FOXJ2: variants seen among roughly 807,000 people sequenced by gnomAD.
FOXJ2 encodes forkhead box protein J2.
FOXJ2 carries 18 observed loss-of-function variants against 68.4 expected under a neutral mutation model. That is an observed-to-expected ratio of 0.26 (90% confidence interval 0.18 to 0.39). FOXJ2 has a LOEUF of 0.39. Among genes scored for constraint, FOXJ2 ranks in the 10% least tolerant of loss-of-function variants. The pLI, the probability that FOXJ2 is intolerant of heterozygous loss-of-function variation, is 1.00. For missense variants in FOXJ2, 670 were observed against 726.5 expected, an observed-to-expected ratio of 0.92 and a Z score of 0.89; for synonymous variants, 274 against 263.2, an observed-to-expected ratio of 1.04 and a Z score of -0.40.
Position 8,043,716 on chromosome 12 carries a change from AT to A in FOXJ2, c.426del (p.Ile142MetfsTer60). 1.2e-6 allele frequency: 2 copies of A among 1,614,142 alleles called. No homozygotes were observed. The highest frequency in any genetic ancestry group is 1.7e-6 in the Non-Finnish European group (2 of 1,180,036). Reference protein sequence around the residue: ...DDPGKGSYWTIDTCPDISRKR... With the variant: ...DDPGKGSYWTXDTCPDISRKR... ...CTCCTTCCAGGGTTCCTATTGGACA[AT>A]TGACACCTGCCCTGACATTTCCCGA... On this transcript the variant is annotated frameshift_variant, in exon 4 of 11. Transcript: ENST00000162391. LOFTEE classifies it high-confidence loss of function.
rs1195426794 is a variant in FOXJ2 at position 8,050,931 on chromosome 12, C to T, written c.1636+311C>T. On this transcript the variant is annotated intron_variant, in intron 10 of 10. Transcript: ENST00000162391. ...CCTTCCCTTTCCTTCCCCTTCCCTT[C>T]CCCTTCCCCTTCCCTTCCCCTTCCT... Among the ~76,000 whole-genome samples the T allele has an allele frequency of 1.6e-4, 11 of 68,728 alleles. No homozygotes were observed. In the East Asian group the frequency reaches 4.4e-3, roughly 28 times the overall value. The allele number at this position is 68,728 out of a possible 152,430, so 45.1% of individuals were successfully genotyped here.
chr12:8,045,893 A>T (rs1947030319), intron 6 of FOXJ2, among the ~76,000 whole-genome samples: 1 of 152,030 alleles, frequency 6.6e-6, no homozygotes, highest in South Asian at 2.1e-4. Flanking sequence ...TCCTGACCTC[A>T]GGTGATCCAC....
intron 3 of FOXJ2, among the ~76,000 whole-genome samples, chr12:8,042,997 A>G (rs1426926123): frequency 1.3e-5 from 2 of 151,860 alleles, no homozygotes; most frequent in African/African-American, 4.8e-5. Flanking sequence ...GGGCGGATCA[A>G]CTGAGGTCAG....
intron 1 of FOXJ2, among the ~76,000 whole-genome samples, chr12:8,036,725 T>A (rs1035426974): frequency 6.6e-6 from 1 of 152,216 alleles, no homozygotes; most frequent in African/African-American, 2.4e-5. Context: ...TTCACTTCCC[T>A]CCAGGGACGA....
Position 8,038,678 on chromosome 12 carries a change from A to AT in FOXJ2, c.-14-1140dup, listed in dbSNP as rs921593118. On this transcript the variant is annotated intron_variant, in intron 1 of 10. Coordinates refer to ENST00000162391, the MANE Select transcript of FOXJ2 (RefSeq NM_018416.3). The surrounding 1 kb of genome is among the most constrained non-coding windows in gnomAD (Gnocchi z 5.3). ...AGCCTTTCTAGACCCTGCAATACAGATATCACCCATCGTTCTTCACCTTCC... is the reference window on the plus strand; with the variant it reads ...AGCCTTTCTAGACCCTGCAATACAGATTATCACCCATCGTTCTTCACCTTCC... Among the ~76,000 whole-genome samples the AT allele has an allele frequency of 5.3e-5, 8 of 152,162 alleles. No individual in the cohort carries two copies. The highest frequency in any genetic ancestry group is 2.6e-4 in the Admixed American group (4 of 15,282).
rs1173391590 is a variant in FOXJ2, at chr12:8,054,644, G to T, written c.*1794G>T. On this transcript the variant is annotated 3_prime_UTR_variant, in exon 11 of 11. Coordinates refer to ENST00000162391, the MANE Select transcript of FOXJ2 (RefSeq NM_018416.3). ...GAAGCCTTTCTAAGAAAGAAATGGG[G>T]GTGCGAGTGGCTTGAATCTCCCATG... 1 of 152,610 alleles carries T rather than the reference G, an allele frequency of 6.6e-6. No homozygotes were observed. The highest frequency in any genetic ancestry group is 1.5e-5 in the Non-Finnish European group (1 of 68,030). 9.5% of individuals were successfully genotyped at this position (152,610 alleles called of 1,614,324 possible).
chr12:8,040,739 G>T lies in FOXJ2; in HGVS notation c.333+574G>T, dbSNP rs573068537. Among the ~76,000 whole-genome samples, 135 of 152,056 alleles carry T rather than the reference G, an allele frequency of 8.9e-4. No individual in the cohort carries two copies. The highest frequency in any genetic ancestry group is 1.3e-3 in the African/African-American group (55 of 41,478). ...CCCGGCCCACATCCTCTTGTCTTCT[G>T]ATCCCTCAAAGAGGATATTCACTCA... On this transcript the variant is annotated intron_variant, in intron 2 of 10. Coordinates refer to ENST00000162391, the MANE Select transcript of FOXJ2 (RefSeq NM_018416.3). This position sits in a 1 kb window ranked among gnomAD's most constrained non-coding sequence, Gnocchi z 4.0.
chr12:8,053,968 A>T lies in FOXJ2; in HGVS notation c.*1118A>T, dbSNP rs1947156813. ...TGCCCTGAGACATGATGGGAATCTC[A>T]TTCCCACCTCTCATAGCAGAGCCAA... On this transcript the variant is annotated 3_prime_UTR_variant, in exon 11 of 11. Transcript: ENST00000162391. The surrounding 1 kb of genome is among the most constrained non-coding windows in gnomAD (Gnocchi z 4.1). 1.3e-5 allele frequency: 2 copies of T among 152,228 alleles called. No individual in the cohort carries two copies. Among genetic ancestry groups the T allele is most frequent in the South Asian group, 4.1e-4 (2 of 4,836 alleles). 9.4% of individuals were successfully genotyped at this position (152,228 alleles called of 1,614,324 possible).
At chr12:8,034,853 A>G (rs1484362486) in intron 1 of FOXJ2, among the ~76,000 whole-genome samples, 3 of 152,236 alleles carry the variant, frequency 2.0e-5, no homozygotes, top group Non-Finnish European at 4.4e-5. Flanking sequence ...ATCTTCAGAA[A>G]AGGCAGGAAA....
intron 10 of FOXJ2, among the ~76,000 whole-genome samples, chr12:8,052,254 G>A (rs1018724528): frequency 1.4e-5 from 2 of 148,102 alleles, no homozygotes; most frequent in African/African-American, 2.5e-5. Flanking sequence ...ACGGAGTCTC[G>A]CTCTATCGCC....
intron 10 of FOXJ2, 142 bp downstream of exon 10, chr12:8,050,762 G>A (rs1947105815): frequency 1.0e-6 from 1 of 961,330 alleles, no homozygotes; most frequent in African/African-American, 1.6e-5. Flanking sequence ...AAGGCTGGAG[G>A]ATGGGTTACC....
rs944352705 is a variant in FOXJ2, at chr12:8,038,286, A to C, written c.-14-1533A>C. Among the ~76,000 whole-genome samples the C allele has an allele frequency of 1.3e-5, 2 of 152,162 alleles. No individual in the cohort carries two copies. Among genetic ancestry groups the C allele is most frequent in the Admixed American group, 6.5e-5 (1 of 15,278 alleles). ...AAGGGCAGAAGAATCACTACCTAGG[A>C]TAGAAGAGGGAGCTGAGACCCTGAA... On this transcript the variant is annotated intron_variant, in intron 1 of 10. Transcript: ENST00000162391. The surrounding 1 kb of genome is among the most constrained non-coding windows in gnomAD (Gnocchi z 5.3).
intron 10 of FOXJ2, 102 bp downstream of exon 10, chr12:8,050,722 C>G: frequency 7.6e-7 from 1 of 1,310,732 alleles, no homozygotes; most frequent in Non-Finnish European, 1.1e-6. Flanking sequence ...GCCTGCATCT[C>G]GCTGGAGGGA....
At chr12:8,043,077 C>T (rs1946986267) in intron 3 of FOXJ2, among the ~76,000 whole-genome samples, 2 of 151,816 alleles carry the variant, frequency 1.3e-5, no homozygotes, top group African/African-American at 4.8e-5. Flanking sequence ...ATTAGCCAGG[C>T]GTGGTGGTAC....
intron 9 of FOXJ2, chr12:8,050,169 T>G: frequency 4.0e-6 from 1 of 250,202 alleles, no homozygotes; most frequent in Non-Finnish European, 6.9e-6. Context: ...ATAGCTGGGG[T>G]TTCACCGTGT....
chr12:8,044,932 A>T lies in FOXJ2; in HGVS notation c.791A>T (p.Glu264Val). 1 of 1,614,196 alleles carries T rather than the reference A, an allele frequency of 6.2e-7. No homozygotes were observed. The highest frequency in any genetic ancestry group is 1.3e-5 in the African/African-American group (1 of 75,030). Residue 264 changes from glutamate (E) to valine (V), a missense_variant, in exon 6 of 11, where the codon GAG becomes GTG. Transcript: ENST00000162391. ...CGCAACCTCTATAAGTCCATGCTGG[A>T]GAAGTCCTCTTCCTCCTCTCAGCAC... is the stretch of plus-strand genomic sequence containing the variant. Reference protein sequence around the residue: ...SFRNLYKSMLEKSSSSSQHGF... With the variant: ...SFRNLYKSMLVKSSSSSQHGF...
chr12:8,046,862 A>G (rs1234591153), intron 6 of FOXJ2, among the ~76,000 whole-genome samples: 1 of 152,182 alleles, frequency 6.6e-6, no homozygotes, highest in Non-Finnish European at 1.5e-5. Flanking sequence ...CAGGGGATCA[A>G]TTCCTAGAGT....
chr12:8,054,824 A>C lies in FOXJ2; in HGVS notation c.*1974A>C, dbSNP rs1947166808. On this transcript the variant is annotated 3_prime_UTR_variant, in exon 11 of 11. Transcript: ENST00000162391. Reference sequence around the variant, plus strand: ...ATTCCTTCCAGTCAGGGTGTGTCCTATACAAAACTTCCCATCAGTTCTCCT... The same window carrying C: ...ATTCCTTCCAGTCAGGGTGTGTCCTCTACAAAACTTCCCATCAGTTCTCCT... 1 of 152,212 alleles carries C rather than the reference A, an allele frequency of 6.6e-6. No homozygotes were observed. Among genetic ancestry groups the C allele is most frequent in the South Asian group, 2.1e-4 (1 of 4,834 alleles). 9.4% of individuals were successfully genotyped at this position (152,212 alleles called of 1,614,324 possible).
rs922981558 is a variant in FOXJ2, at chr12:8,053,704, C to T, written c.*854C>T. On this transcript the variant is annotated 3_prime_UTR_variant, in exon 11 of 11. Transcript: ENST00000162391. The surrounding 1 kb of genome is among the most constrained non-coding windows in gnomAD (Gnocchi z 4.1). The stretch of plus-strand genomic sequence containing the variant: ...CAACTATTCAGCATGGTTTTAGCTT[C>T]TTGGAGATGATTCCAACTTAACTAT... The T allele has an allele frequency of 1.3e-5, 2 of 152,174 alleles. No individual in the cohort carries two copies. The highest frequency in any genetic ancestry group is 4.8e-5 in the African/African-American group (2 of 41,440). The allele number at this position is 152,174 out of a possible 1,614,324, so 9.4% of individuals were successfully genotyped here. A position where few individuals can be genotyped will look rare whatever the true frequency, so the allele number is the denominator to read the frequency against.
Sources: allele counts gnomAD v4.1 joint callset (sites outside exome capture counted in the v4.1 genomes callset), GRCh38; gene constraint gnomAD v4.1.1; non-coding constraint Gnocchi (gnomAD v3.1); transcripts MANE v1.5; gene names NCBI Gene and HGNC (gene_info 2026-07-23, HGNC 2026-07-21).